The following LSAMP variants were observed in gnomAD, a reference collection of about 807,000 sequenced individuals.
LSAMP encodes the protein limbic system-associated membrane protein.
LSAMP carries 7 observed loss-of-function variants against 38.6 expected under a neutral mutation model. That is an observed-to-expected ratio of 0.18 (90% confidence interval 0.10 to 0.34). The LOEUF (loss-of-function observed/expected upper bound fraction) is 0.34. Among genes scored for constraint, LSAMP ranks in the 10% least tolerant of loss-of-function variants. The pLI is 1.00. For synonymous variants in LSAMP, 154 were observed against 166.8 expected (o/e 0.92, Z 0.59); for missense variants, 313 against 420.0 (o/e 0.75, Z 2.23).
intron 2 of LSAMP, among the ~76,000 whole-genome samples, chr3:116,030,700 T>C (rs1400061945): frequency 6.6e-6 from 1 of 152,060 alleles, no homozygotes; most frequent in Non-Finnish European, 1.5e-5. Flanking sequence ...AGGTGGCAAA[T>C]AGCAATTGAA....
intron 2 of LSAMP, among the ~76,000 whole-genome samples, chr3:116,037,991 A>T (rs1941085782): frequency 6.6e-6 from 1 of 152,200 alleles, no homozygotes; most frequent in South Asian, 2.1e-4. Flanking sequence ...GAGGCCAGGG[A>T]TCTAGAATAA....
intron 1 of LSAMP, among the ~76,000 whole-genome samples, chr3:116,273,642 G>C (rs1232163188): frequency 7.9e-6 from 1 of 127,126 alleles, no homozygotes; most frequent in African/African-American, 3.3e-5. Context: ...CCATGGGTTA[G>C]AGGAATACCC....
intron 3 of LSAMP, among the ~76,000 whole-genome samples, chr3:115,980,555 G>C (rs1939327698): frequency 6.6e-6 from 1 of 152,066 alleles, no homozygotes; most frequent in South Asian, 2.1e-4. Flanking sequence ...TATTCCCTTT[G>C]GTTCTGGTTT....
intron 1 of LSAMP, among the ~76,000 whole-genome samples, chr3:116,405,436 G>C (rs1458065575): frequency 6.6e-6 from 1 of 152,004 alleles, no homozygotes; most frequent in East Asian, 1.9e-4. Flanking sequence ...TCTTTGTCTG[G>C]GTTGCAAAAA....
At chr3:116,433,098 A>C (rs1307051189) in intron 1 of LSAMP, among the ~76,000 whole-genome samples, 5 of 152,182 alleles carry the variant, frequency 3.3e-5, no homozygotes, top group African/African-American at 1.2e-4. Flanking sequence ...CCTAACACAC[A>C]TATGCTAGAG....
intron 3 of LSAMP, among the ~76,000 whole-genome samples, chr3:115,976,587 G>A (rs1939194422): frequency 6.6e-6 from 1 of 152,126 alleles, no homozygotes; most frequent in African/African-American, 2.4e-5. Flanking sequence ...ATTTGGTCAG[G>A]ATTCATAGTG....
intron 3 of LSAMP, among the ~76,000 whole-genome samples, chr3:115,944,457 A>G (rs1340504021): frequency 5.9e-5 from 9 of 152,098 alleles, no homozygotes; most frequent in Non-Finnish European, 1.0e-4. Flanking sequence ...CCATCCTCTT[A>G]TAGTTTAATT....
chr3:115,910,169 C>A (rs1937103562), intron 3 of LSAMP, among the ~76,000 whole-genome samples: 1 of 152,022 alleles, frequency 6.6e-6, no homozygotes, highest in Admixed American at 6.6e-5. Context: ...GTTTAAAGTC[C>A]CATAGCTAGT....
chr3:116,309,263 T>C (rs2107714884), intron 1 of LSAMP, among the ~76,000 whole-genome samples: 1 of 152,204 alleles, frequency 6.6e-6, no homozygotes. Context: ...GGTCTAAGTA[T>C]ATCATTGCAG....
At chr3:116,371,942 AAAC>A (rs1436195347) in intron 1 of LSAMP, among the ~76,000 whole-genome samples, 1 of 152,116 alleles carries the variant, frequency 6.6e-6, no homozygotes, top group Non-Finnish European at 1.5e-5. Flanking sequence ...AAAGCATCAA[AAAC>A]AACAAAATAC....
rs1483305567 is a variant in LSAMP at position 115,881,141 on chromosome 3, TATC to T, written c.515-28527_515-28525del. Among the ~76,000 whole-genome samples the T allele has an allele frequency of 3.3e-5, 5 of 152,276 alleles. No individual in the cohort carries two copies. The South Asian group carries it at 8.3e-4, about 25-fold the overall frequency. ...GTCATCCTTACACCCAAGTTATTAA[TATC>T]ATACTTCAACAAGTAGTGTTTTTAC... On this transcript the variant is annotated intron_variant, in intron 3 of 6. Coordinates refer to ENST00000490035, the MANE Select transcript of LSAMP (RefSeq NM_002338.5).
At chr3:115,926,261 C>T (rs1021078694) in intron 3 of LSAMP, among the ~76,000 whole-genome samples, 28 of 152,138 alleles carry the variant, frequency 1.8e-4, no homozygotes, top group African/African-American at 6.5e-4. Flanking sequence ...TGTCTGATAT[C>T]TCTCATACAG....
chr3:115,976,788 CTCTT>C (rs571181242), intron 3 of LSAMP, among the ~76,000 whole-genome samples: 10 of 152,302 alleles, frequency 6.6e-5, no homozygotes, highest in Middle Eastern at 3.4e-3. Context: ...CCTCTTAACT[CTCTT>C]TCTCCTCTGC....
intron 1 of LSAMP, among the ~76,000 whole-genome samples, chr3:116,090,196 A>G (rs1301665500): frequency 6.7e-6 from 1 of 149,938 alleles, no homozygotes; most frequent in African/African-American, 2.4e-5. Context: ...GCCTGGCCAG[A>G]GTGAGACCTT....
rs1170325465 is a variant in LSAMP at position 115,930,002 on chromosome 3, G to GTTTTTTTTTTTTTTTTTTTTTTT, written c.515-77408_515-77386dup. Among the ~76,000 whole-genome samples, 2 of 80,294 alleles carry GTTTTTTTTTTTTTTTTTTTTTTT rather than the reference G, an allele frequency of 2.5e-5. 1 individual carries two copies. Among genetic ancestry groups the GTTTTTTTTTTTTTTTTTTTTTTT allele is most frequent in the Non-Finnish European group, 4.4e-5 (2 of 45,700 alleles). 52.7% of individuals were successfully genotyped at this position (80,294 alleles called of 152,430 possible). ...ATCCAGATCTATAAATTTAGCAGAA[G>GTTTTTTTTTTTTTTTTTTTTTTT]TTTTTTTTTTTTTTTTTTTTTTTTG... On this transcript the variant is annotated intron_variant, in intron 3 of 6. Coordinates refer to ENST00000490035, the MANE Select transcript of LSAMP (RefSeq NM_002338.5).
chr3:116,037,663 G>A (rs1319657166), intron 2 of LSAMP, among the ~76,000 whole-genome samples: 2 of 152,054 alleles, frequency 1.3e-5, no homozygotes, highest in Non-Finnish European at 2.9e-5. Context: ...AGCACAAAAG[G>A]AAGATAAAAT....
chr3:116,109,239 G>T (rs936538919), intron 1 of LSAMP, among the ~76,000 whole-genome samples: 6 of 152,174 alleles, frequency 3.9e-5, no homozygotes, highest in Admixed American at 6.5e-5. Context: ...CTGGGCAGGT[G>T]GGGGAGGGCT....
intron 1 of LSAMP, among the ~76,000 whole-genome samples, chr3:116,289,042 G>T (rs1038338821): frequency 4.6e-5 from 7 of 152,172 alleles, no homozygotes; most frequent in African/African-American, 1.7e-4. Context: ...CTTAGAGATG[G>T]AAACTGAATT....
chr3:115,953,725 C>A (rs1284556556), intron 3 of LSAMP, among the ~76,000 whole-genome samples: 1 of 152,246 alleles, frequency 6.6e-6, no homozygotes, highest in African/African-American at 2.4e-5. Context: ...TTCTACCCTG[C>A]AGAGTCTGGC....
Sources: allele counts gnomAD v4.1 joint callset (sites outside exome capture counted in the v4.1 genomes callset), GRCh38; gene constraint gnomAD v4.1.1; transcripts MANE v1.5; gene names NCBI Gene and HGNC (gene_info 2026-07-23, HGNC 2026-07-21).